CNTNAP2: variants seen among roughly 807,000 people sequenced by gnomAD.
The protein encoded by CNTNAP2 is contactin associated protein 2, also known as contactin-associated protein-like 2.
Under a neutral mutation model 155.2 loss-of-function variants are expected in CNTNAP2, and 98 were observed. The observed-to-expected ratio is 0.63, with a 90% CI of 0.54 to 0.75. CNTNAP2 has a LOEUF of 0.75. Ranked by LOEUF, CNTNAP2 falls within the 30% of genes least tolerant of loss-of-function variation. The pLI is 0.00. For synonymous variants in CNTNAP2, 651 were observed against 631.2 expected, an observed-to-expected ratio of 1.03 and a Z score of -0.47; for missense variants, 1,727 against 1,688.1, an observed-to-expected ratio of 1.02 and a Z score of -0.40.
At chr7:147,088,530 A>G (rs1800329279) in intron 4 of CNTNAP2, among the ~76,000 whole-genome samples, 1 of 152,250 alleles carries the variant, frequency 6.6e-6, no homozygotes, top group Non-Finnish European at 1.5e-5. Flanking sequence ...GACAAAATAC[A>G]TAGTAGTCAG....
At chr7:147,098,571 TG>T (rs1800591443) in intron 4 of CNTNAP2, among the ~76,000 whole-genome samples, 1 of 152,234 alleles carries the variant, frequency 6.6e-6, no homozygotes, top group South Asian at 2.1e-4. Context: ...TTCTAAAATT[TG>T]CTTTAAAGGA....
intron 12 of CNTNAP2, among the ~76,000 whole-genome samples, chr7:147,564,841 A>AT (rs36105368): frequency 0.45 from 67,940 of 151,812 alleles, 15,405 homozygotes; most frequent in East Asian, 0.61. Flanking sequence ...TGCAAGTAGA[A>AT]TTTTTTTTCT....
At chr7:147,260,207 A>G (rs1804425880) in intron 8 of CNTNAP2, among the ~76,000 whole-genome samples, 2 of 152,224 alleles carry the variant, frequency 1.3e-5, no homozygotes, top group South Asian at 4.1e-4. Context: ...CTTAACGTGA[A>G]GTTTGTTCAC....
At chr7:147,004,945 T>C (rs1439533295) in intron 3 of CNTNAP2, among the ~76,000 whole-genome samples, 1 of 152,044 alleles carries the variant, frequency 6.6e-6, no homozygotes, top group Non-Finnish European at 1.5e-5. Flanking sequence ...ATGTATAAAG[T>C]TTTAAAACAC....
intron 2 of CNTNAP2, among the ~76,000 whole-genome samples, chr7:146,785,933 A>G (rs1802567650): frequency 6.6e-6 from 1 of 152,198 alleles, no homozygotes; most frequent in African/African-American, 2.4e-5. Context: ...TTAACACTGT[A>G]TCTGGCTCAT....
chr7:146,613,436 G>A (rs909757328), intron 1 of CNTNAP2, among the ~76,000 whole-genome samples: 2 of 152,092 alleles, frequency 1.3e-5, no homozygotes, highest in African/African-American at 4.8e-5. Context: ...TTTGATTATA[G>A]TAAAATCCAA....
At chr7:146,378,305 G>A (rs182394332) in intron 1 of CNTNAP2, among the ~76,000 whole-genome samples, 2 of 152,114 alleles carry the variant, frequency 1.3e-5, no homozygotes, top group Admixed American at 6.5e-5. Flanking sequence ...GGCTTGAAAT[G>A]TTGCCTTTTG....
At chr7:148,411,845 T>G (rs1488359325) in intron 23 of CNTNAP2, among the ~76,000 whole-genome samples, 2 of 137,124 alleles carry the variant, frequency 1.5e-5, no homozygotes, top group African/African-American at 2.6e-5. Context: ...TTAAAGCAAC[T>G]GACATATGTG....
At chr7:146,327,128 T>C (rs1164488825) in intron 1 of CNTNAP2, among the ~76,000 whole-genome samples, 2 of 152,072 alleles carry the variant, frequency 1.3e-5, no homozygotes, top group African/African-American at 2.4e-5. Context: ...ATTTCACTAA[T>C]TCCCTAAACT....
At chr7:147,472,302 T>C (rs10952686) in intron 10 of CNTNAP2, among the ~76,000 whole-genome samples, 30,302 of 143,672 alleles carry the variant, frequency 0.21, 3,308 homozygotes, top group East Asian at 0.38. Context: ...AACCTTTGCC[T>C]CCCAGGTTCA....
At chr7:147,663,742 T>C (rs998220848) in intron 13 of CNTNAP2, among the ~76,000 whole-genome samples, 1 of 152,244 alleles carries the variant, frequency 6.6e-6, no homozygotes, top group Admixed American at 6.5e-5. Flanking sequence ...TTATTGTATA[T>C]ATTTAAGGTA....
At chr7:146,354,567 A>G (rs1012296805) in intron 1 of CNTNAP2, among the ~76,000 whole-genome samples, 5 of 152,026 alleles carry the variant, frequency 3.3e-5, no homozygotes, top group Admixed American at 3.3e-4. Flanking sequence ...GGCACCTGCC[A>G]CCACGCCAGG....
chr7:148,237,368 A>G (rs1484904361), intron 20 of CNTNAP2, among the ~76,000 whole-genome samples: 2 of 152,252 alleles, frequency 1.3e-5, no homozygotes, highest in Non-Finnish European at 2.9e-5. Flanking sequence ...GTTCTATGCT[A>G]TAACTATAAG....
intron 17 of CNTNAP2, among the ~76,000 whole-genome samples, chr7:148,151,878 A>G (rs1312355635): frequency 6.6e-6 from 1 of 152,154 alleles, no homozygotes; most frequent in East Asian, 1.9e-4. Flanking sequence ...CTAAGGCCCA[A>G]GGATTTTTTC....
chr7:147,923,441 G>T (rs145239667), intron 14 of CNTNAP2, among the ~76,000 whole-genome samples: 382 of 152,256 alleles, frequency 2.5e-3, no homozygotes, highest in African/African-American at 8.7e-3. Context: ...GCCCAGGGTT[G>T]CCTGCAACAC....
chr7:147,462,264 C>T (rs573818134), intron 10 of CNTNAP2, among the ~76,000 whole-genome samples: 1 of 152,314 alleles, frequency 6.6e-6, no homozygotes, highest in East Asian at 1.9e-4. Context: ...GAAAACACTT[C>T]CTGCATTGCA....
At chr7:146,563,859 C>G (rs1012871836) in intron 1 of CNTNAP2, among the ~76,000 whole-genome samples, 1 of 152,086 alleles carries the variant, frequency 6.6e-6, no homozygotes, top group African/African-American at 2.4e-5. Flanking sequence ...AACAGTCAAC[C>G]AATAAATGGA....
intron 17 of CNTNAP2, among the ~76,000 whole-genome samples, chr7:148,164,207 G>T (rs1805605753): frequency 6.6e-6 from 1 of 152,140 alleles, no homozygotes; most frequent in Non-Finnish European, 1.5e-5. Flanking sequence ...CAAAGTGCTG[G>T]GATTGTAGGC....
intron 2 of CNTNAP2, among the ~76,000 whole-genome samples, chr7:146,782,781 G>A (rs1314823926): frequency 6.6e-6 from 1 of 152,128 alleles, no homozygotes. Context: ...CACAAACTAT[G>A]TTGCATTGAA....
Sources: gnomAD v4.1 joint callset for allele counts (sites outside exome capture counted in the v4.1 genomes callset) on GRCh38, gnomAD v4.1.1 for gene constraint, MANE v1.5 for transcripts, NCBI Gene and HGNC (gene_info 2026-07-23, HGNC 2026-07-21) for gene names.